Variants in MAF observed in about 807,000 individuals in gnomAD.
The protein encoded by MAF is transcription factor Maf.
A neutral mutation model predicts 22.0 loss-of-function variants in MAF; 10 were observed. The ratio of observed to expected loss-of-function variants is 0.45; its 90% CI spans 0.28 to 0.77. MAF has a LOEUF of 0.77. Among genes scored for constraint, MAF ranks in the 30% least tolerant of loss-of-function variants. The probability of loss-of-function intolerance (pLI) is 0.12; values close to 1 mark genes in which losing one functional copy is unlikely to be tolerated. For synonymous variants in MAF, 337 were observed against 255.8 expected, an observed-to-expected ratio of 1.32 and a Z score of -3.03; for missense variants, 544 against 548.4, an observed-to-expected ratio of 0.99 and a Z score of 0.08.
chr16:79,393,858 G>T, the MAF span, among the ~76,000 whole-genome samples: 1 of 152,308 alleles, frequency 6.6e-6, no homozygotes, highest in East Asian at 1.9e-4. Context: ...GCAAAAGCAA[G>T]AAGCAAACAG....
At chr16:79,219,264 A>C in the MAF span, among the ~76,000 whole-genome samples, 1 of 152,146 alleles carries the variant, frequency 6.6e-6, no homozygotes, top group South Asian at 2.1e-4. Context: ...TGGAATTGTG[A>C]CAATGTCTCA....
At chr16:79,460,715 C>T in the MAF span, among the ~76,000 whole-genome samples, 1 of 152,064 alleles carries the variant, frequency 6.6e-6, no homozygotes. Flanking sequence ...TTGAACCTAC[C>T]TTCTAAGACC....
At chr16:79,534,220 C>T in the MAF span, among the ~76,000 whole-genome samples, 1 of 152,156 alleles carries the variant, frequency 6.6e-6, no homozygotes, top group African/African-American at 2.4e-5. Context: ...TCAATGAAAA[C>T]AGAATCCAAA....
chr16:79,436,069 G>A, the MAF span, among the ~76,000 whole-genome samples: 1 of 152,168 alleles, frequency 6.6e-6, no homozygotes, highest in Non-Finnish European at 1.5e-5. Context: ...TGTGAGAAAT[G>A]AGATTCATTT....
the MAF span, among the ~76,000 whole-genome samples, chr16:79,425,891 G>A: frequency 3.3e-5 from 5 of 152,116 alleles, no homozygotes; most frequent in Non-Finnish European, 7.4e-5. Flanking sequence ...CATAACTACA[G>A]CAAAATCAGG....
chr16:79,304,259 G>T, the MAF span, among the ~76,000 whole-genome samples: 4 of 152,250 alleles, frequency 2.6e-5, no homozygotes, highest in South Asian at 8.3e-4. Context: ...GGGAAGCATC[G>T]CTCCCTCCCC....
the MAF span, among the ~76,000 whole-genome samples, chr16:79,569,619 C>T: frequency 6.6e-6 from 1 of 152,212 alleles, no homozygotes; most frequent in Admixed American, 6.5e-5. Flanking sequence ...CTGATGTTCA[C>T]TGAAGTTTAG....
the MAF span, among the ~76,000 whole-genome samples, chr16:79,242,462 A>G: frequency 6.6e-6 from 1 of 152,026 alleles, no homozygotes; most frequent in Non-Finnish European, 1.5e-5. Context: ...AAAGAAGGAC[A>G]TTACATAATA....
the MAF span, among the ~76,000 whole-genome samples, chr16:79,466,490 A>G: frequency 6.6e-6 from 1 of 152,228 alleles, no homozygotes; most frequent in Non-Finnish European, 1.5e-5. Flanking sequence ...TAAATAATAA[A>G]AAGAATCCTG....
At chr16:79,573,407 G>C in the MAF span, among the ~76,000 whole-genome samples, 13 of 152,206 alleles carry the variant, frequency 8.5e-5, no homozygotes, top group East Asian at 1.9e-3. Context: ...TTTATGCATG[G>C]TGTTTACAAA....
chr16:79,316,062 C>G, the MAF span, among the ~76,000 whole-genome samples: 2 of 152,220 alleles, frequency 1.3e-5, no homozygotes, highest in Non-Finnish European at 2.9e-5. Flanking sequence ...CATGAGTTGT[C>G]ACCAACATGC....
At chr16:79,430,252 G>C in the MAF span, among the ~76,000 whole-genome samples, 129 of 152,304 alleles carry the variant, frequency 8.5e-4, no homozygotes, top group African/African-American at 3.0e-3. Flanking sequence ...AAATAAGCTG[G>C]AGCTATATTG....
At chr16:79,425,107 T>C in the MAF span, among the ~76,000 whole-genome samples, 1 of 152,198 alleles carries the variant, frequency 6.6e-6, no homozygotes, top group African/African-American at 2.4e-5. Context: ...TGATGAATAC[T>C]TTTCATCGTA....
chr16:79,507,534 C>G, the MAF span, among the ~76,000 whole-genome samples: 1 of 151,950 alleles, frequency 6.6e-6, no homozygotes, highest in Non-Finnish European at 1.5e-5. Flanking sequence ...ATGCCATTCT[C>G]CTGCCTCAGC....
At chr16:79,583,198 A>G (rs1394644137), downstream of MAF, among the ~76,000 whole-genome samples, 1 of 152,206 alleles carries the variant, frequency 6.6e-6, no homozygotes, top group Non-Finnish European at 1.5e-5. Flanking sequence ...TGCAAGATAG[A>G]AACAAGATTT....
the MAF span, among the ~76,000 whole-genome samples, chr16:79,505,992 G>GGGGAAAGGAGAAAAGGAGGAAAGAGAGGA: frequency 5.3e-5 from 8 of 151,996 alleles, no homozygotes; most frequent in Non-Finnish European, 7.4e-5. Context: ...AAGAAGGGAA[G>GGGGAAAGGAGAAAAGGAGGAAAGAGAGGA]GGGAAAGGAG....
At chr16:79,535,126 G>GCA in the MAF span, among the ~76,000 whole-genome samples, 1 of 56,480 alleles carries the variant, frequency 1.8e-5, no homozygotes, top group Non-Finnish European at 6.6e-5. Context: ...GAAAGGTGAA[G>GCA]CTCTCTAACG....
the MAF span, among the ~76,000 whole-genome samples, chr16:79,274,589 T>C: frequency 6.6e-6 from 1 of 152,170 alleles, no homozygotes; most frequent in African/African-American, 2.4e-5. Flanking sequence ...GACCCTACTG[T>C]ATAGCCCGGC....
chr16:79,401,434 C>T, the MAF span, among the ~76,000 whole-genome samples: 1 of 152,124 alleles, frequency 6.6e-6, no homozygotes, highest in East Asian at 1.9e-4. Flanking sequence ...TGCCCAGAGT[C>T]ACACAGTCTT....
Sources: gnomAD v4.1 joint callset for allele counts (sites outside exome capture counted in the v4.1 genomes callset) on GRCh38, gnomAD v4.1.1 for gene constraint, MANE v1.5 for transcripts, NCBI Gene and HGNC (gene_info 2026-07-23, HGNC 2026-07-21) for gene names.